Variants in PTPN9 observed in about 807,000 individuals in gnomAD.
PTPN9 encodes protein tyrosine phosphatase non-receptor type 9, also known as tyrosine-protein phosphatase non-receptor type 9.
Under a neutral mutation model 69.8 loss-of-function variants are expected in PTPN9, and 26 were observed. The observed-to-expected ratio is 0.37, with a 90% CI of 0.27 to 0.52. The LOEUF is 0.52. Among genes scored for constraint, PTPN9 ranks in the 20% least tolerant of loss-of-function variants. PTPN9 has a pLI of 0.91. For synonymous variants in PTPN9, 274 were observed against 272.5 expected (o/e 1.01, Z -0.05); for missense variants, 549 against 740.3 (o/e 0.74, Z 3.00).
chr15:75,491,102 C>G (rs2074708418), intron 7 of PTPN9, among the ~76,000 whole-genome samples: 1 of 150,984 alleles, frequency 6.6e-6, no homozygotes, highest in Non-Finnish European at 1.5e-5. Context: ...GAGAGAAACC[C>G]TGACTTAAAA....
At chr15:75,503,918 C>CT (rs2074794324) in intron 7 of PTPN9, among the ~76,000 whole-genome samples, 1 of 111,400 alleles carries the variant, frequency 9.0e-6, no homozygotes, top group Non-Finnish European at 1.8e-5. Flanking sequence ...GTCAGCCCCC[C>CT]GCCCGGCCAG....
At chr15:75,577,889 T>C (rs977795782) in intron 1 of PTPN9, among the ~76,000 whole-genome samples, 2 of 152,188 alleles carry the variant, frequency 1.3e-5, no homozygotes, top group Admixed American at 6.6e-5. Context: ...CAGTCTAAGC[T>C]AGCAGACCTT....
At chr15:75,573,881 T>A (rs1159248038) in intron 1 of PTPN9, among the ~76,000 whole-genome samples, 2 of 152,072 alleles carry the variant, frequency 1.3e-5, no homozygotes, top group African/African-American at 2.4e-5. Flanking sequence ...TAGAATCTAA[T>A]CTAACTGAAA....
intron 1 of PTPN9, among the ~76,000 whole-genome samples, chr15:75,527,718 T>A (rs1292054695): frequency 6.6e-6 from 1 of 151,882 alleles, no homozygotes; most frequent in Non-Finnish European, 1.5e-5. Flanking sequence ...TAGCCGGATG[T>A]GGTGGCGCAC....
At chr15:75,499,660 TCCC>T (rs2074762615) in intron 7 of PTPN9, among the ~76,000 whole-genome samples, 1 of 151,674 alleles carries the variant, frequency 6.6e-6, no homozygotes, top group Non-Finnish European at 1.5e-5. Context: ...AGCCTCAACC[TCCC>T]AAAGTGCTGC....
chr15:75,489,267 C>G (rs895986502), intron 8 of PTPN9, among the ~76,000 whole-genome samples: 1 of 151,282 alleles, frequency 6.6e-6, no homozygotes, highest in African/African-American at 2.4e-5. Flanking sequence ...ATGCCACACA[C>G]TTAAAAGTAA....
chr15:75,478,551 G>A (rs964676053), intron 9 of PTPN9, among the ~76,000 whole-genome samples: 2 of 152,190 alleles, frequency 1.3e-5, no homozygotes, highest in Admixed American at 6.5e-5. Flanking sequence ...AGTTACAGGC[G>A]TGAGCCACTG....
At chr15:75,504,156 G>A (rs2074797618) in intron 7 of PTPN9, among the ~76,000 whole-genome samples, 2 of 120,838 alleles carry the variant, frequency 1.7e-5, no homozygotes, top group Non-Finnish European at 1.7e-5. Flanking sequence ...CCGGACAGCC[G>A]CCCCGTCCGG....
At chr15:75,537,474 C>G (rs2074988035) in intron 1 of PTPN9, among the ~76,000 whole-genome samples, 1 of 86,182 alleles carries the variant, frequency 1.2e-5, no homozygotes, top group Non-Finnish European at 2.0e-5. Context: ...AAAAAAAAGG[C>G]CAGGCTCGGT....
chr15:75,505,454 TA>T (rs946364164), intron 7 of PTPN9, among the ~76,000 whole-genome samples: 7 of 87,178 alleles, frequency 8.0e-5, no homozygotes, highest in East Asian at 5.8e-4. Flanking sequence ...GAATGATCAA[TA>T]AAAAAAATAA....
At chr15:75,496,116 G>A (rs978192742) in intron 7 of PTPN9, among the ~76,000 whole-genome samples, 2 of 149,384 alleles carry the variant, frequency 1.3e-5, no homozygotes, top group Admixed American at 6.8e-5. Context: ...TCCAACCTGG[G>A]TGAGAGAGTG....
At chr15:75,473,274 G>A (rs1306165776) in intron 10 of PTPN9, among the ~76,000 whole-genome samples, 3 of 151,716 alleles carry the variant, frequency 2.0e-5, no homozygotes, top group Non-Finnish European at 4.4e-5. Context: ...AATTGAGACA[G>A]AGTCTCGCTC....
Position 75,505,670 on chromosome 15 carries a change from C to G in PTPN9, c.968+5G>C. 6.2e-7 allele frequency: 1 copy of G among 1,606,442 alleles called. No individual in the cohort carries two copies. The highest frequency in any genetic ancestry group is 8.5e-7 in the Non-Finnish European group (1 of 1,174,854). ...CAGCTGCTGGCCCAAACTTTTTCTA[C>G]TTACATGGAACAGTGGAAAGTGCCA... On this transcript the variant is annotated splice_donor_5th_base_variant and intron_variant, in intron 7 of 12. Coordinates refer to ENST00000618819, the MANE Select transcript of PTPN9 (RefSeq NM_002833.4).
intron 7 of PTPN9, among the ~76,000 whole-genome samples, chr15:75,503,060 C>T (rs912278151): frequency 6.6e-6 from 1 of 150,638 alleles, no homozygotes; most frequent in Non-Finnish European, 1.5e-5. Context: ...GCCACCACCC[C>T]GTCTGGGAAG....
intron 7 of PTPN9, among the ~76,000 whole-genome samples, chr15:75,503,604 GCCC>G (rs2074789762): frequency 1.5e-5 from 2 of 137,700 alleles, no homozygotes; most frequent in Non-Finnish European, 3.2e-5. Context: ...GGGGGGGTCA[GCCC>G]CCCGCCCGGC....
chr15:75,529,306 A>G (rs2141323399), intron 1 of PTPN9, among the ~76,000 whole-genome samples: 1 of 152,186 alleles, frequency 6.6e-6, no homozygotes, highest in East Asian at 1.9e-4. Flanking sequence ...TTTTGTAGGC[A>G]TTCTACACTA....
intron 1 of PTPN9, among the ~76,000 whole-genome samples, chr15:75,531,721 G>A (rs1343468832): frequency 6.6e-6 from 1 of 151,812 alleles, no homozygotes; most frequent in Non-Finnish European, 1.5e-5. Flanking sequence ...ACCACACCCG[G>A]CTAATTTTTT....
intron 1 of PTPN9, among the ~76,000 whole-genome samples, chr15:75,554,092 C>A (rs1438284445): frequency 6.7e-6 from 1 of 148,270 alleles, no homozygotes. Context: ...AATCATGGGT[C>A]ACTGCAGCCT....
At chr15:75,515,281 A>C (rs1023894919) in intron 5 of PTPN9, among the ~76,000 whole-genome samples, 15 of 151,736 alleles carry the variant, frequency 9.9e-5, no homozygotes, top group Non-Finnish European at 1.2e-4. Flanking sequence ...CAAAAAAATT[A>C]GCCGGGCGTG....
Sources: gnomAD v4.1 joint callset for allele counts (sites outside exome capture counted in the v4.1 genomes callset) on GRCh38, gnomAD v4.1.1 for gene constraint, MANE v1.5 for transcripts, NCBI Gene and HGNC (gene_info 2026-07-23, HGNC 2026-07-21) for gene names.